The following ZNF831 variants were observed in gnomAD, a reference collection of about 807,000 sequenced individuals.
ZNF831 encodes the protein zinc finger protein 831, also known as chromosome 20 open reading frame 174.
Under a neutral mutation model 95.8 loss-of-function variants are expected in ZNF831, and 59 were observed. That is an observed-to-expected ratio of 0.62 (90% CI 0.50 to 0.77). The LOEUF (loss-of-function observed/expected upper bound fraction) is 0.77. Ranked by LOEUF, ZNF831 falls within the 30% of genes least tolerant of loss-of-function variation. ZNF831 has a pLI of 0.00. For synonymous variants in ZNF831, 961 were observed against 925.5 expected, an observed-to-expected ratio of 1.04 and a Z score of -0.70; for missense variants, 2,205 against 2,164.0, an observed-to-expected ratio of 1.02 and a Z score of -0.38.
intron 4 of ZNF831, among the ~76,000 whole-genome samples, chr20:59,248,706 TAGAG>T (rs1463854477): frequency 6.6e-6 from 1 of 152,232 alleles, no homozygotes; most frequent in East Asian, 1.9e-4. Context: ...TTAATTCACT[TAGAG>T]TGAGCACTTG....
In ZNF831 at chr20:59,208,624, T is replaced by A. The variant is rs1985070755; in HGVS notation, c.4027+1568T>A. ...TGTGTGTGGGTGACTTCCAGAGGCA[T>A]GGGAACTCCAAGTACGAAGTGAGCC... On this transcript the variant is annotated intron_variant, in intron 4 of 5. Transcript: ENST00000371030. The surrounding 1 kb of genome is among the most constrained non-coding windows in gnomAD (Gnocchi z 4.2). Among the ~76,000 whole-genome samples, 1 of 152,188 alleles carries A rather than the reference T, an allele frequency of 6.6e-6. No homozygotes were observed. Among genetic ancestry groups the A allele is most frequent in the Admixed American group, 6.5e-5 (1 of 15,280 alleles).
At chr20:59,152,414 A>T (rs1048467735) in intron 2 of ZNF831, among the ~76,000 whole-genome samples, 17 of 152,166 alleles carry the variant, frequency 1.1e-4, no homozygotes, top group African/African-American at 3.6e-4. Flanking sequence ...GATCAAGAGA[A>T]GGAAGGGAAT....
rs1157175539 is a variant in ZNF831, at chr20:59,194,557, G to A, written c.3538G>A (p.Glu1180Lys). Residue 1180 changes from glutamate to lysine, a missense_variant, in exon 2 of 6, where the codon GAG becomes AAG. Physicochemically the swap from Glu to Lys is moderately conservative, Grantham distance 56 (BLOSUM62 1). Transcript: ENST00000371030. ...TQNPFPSLKA[E>K]PRLTWCCLSR... ...AAACCCCTTTCCCTCACTGAAGGCT[G>A]AGCCGCGGCTCACGTGGTGTTGCCT... 1 of 1,606,676 alleles carries A rather than the reference G, an allele frequency of 6.2e-7. No individual in the cohort carries two copies. The highest frequency in any genetic ancestry group is 1.1e-5 in the South Asian group (1 of 89,990).
In ZNF831 at chr20:59,192,393, G is replaced by T. The variant is rs752299327; in HGVS notation, c.1374G>T (p.Ala458=). The change falls in exon 2 of 6, where the codon GCG becomes GCT. Residue 458 remains alanine (A), a synonymous_variant. Coordinates refer to ENST00000371030, the MANE Select transcript of ZNF831 (RefSeq NM_178457.3). The surrounding 1 kb of genome is among the most constrained non-coding windows in gnomAD (Gnocchi z 5.2). The part of the protein sequence containing the change: ...YKDSFHFDIR[A]LEPGRRRAPG... ...ACTCCTTCCACTTTGACATCCGCGC[G>T]CTGGAGCCAGGCCGTAGGAGGGCCC... is the stretch of plus-strand genomic sequence containing the variant. 2.5e-6 allele frequency: 4 copies of T among 1,611,862 alleles called. No individual in the cohort carries two copies. The highest frequency in any genetic ancestry group is 3.4e-6 in the Non-Finnish European group (4 of 1,179,540).
rs2146587842 is a variant in ZNF831 at position 59,193,698 on chromosome 20, C to A, written c.2679C>A (p.Ala893=). The part of the protein sequence containing the change: ...SGASLAAASV[A]LKRVGPRDKA... ...CCTCCTTGGCTGCTGCTTCTGTTGC[C>A]CTGAAGAGGGTGGGGCCAAGGGACA... Residue 893 remains alanine, a synonymous_variant, in exon 2 of 6, where the codon GCC becomes GCA. Coordinates refer to ENST00000371030, the MANE Select transcript of ZNF831 (RefSeq NM_178457.3). 6.2e-7 allele frequency: 1 copy of A among 1,612,930 alleles called. No homozygotes were observed. The highest frequency in any genetic ancestry group is 2.2e-5 in the East Asian group (1 of 44,868).
intron 4 of ZNF831, among the ~76,000 whole-genome samples, chr20:59,214,732 A>G (rs1244274744): frequency 4.6e-5 from 7 of 152,228 alleles, no homozygotes; most frequent in Non-Finnish European, 1.5e-5. Flanking sequence ...CCACCTAAGC[A>G]AAAGCTGCCG....
intron 1 of ZNF831, among the ~76,000 whole-genome samples, chr20:59,179,958 G>T (rs1159943961): frequency 1.3e-5 from 2 of 152,166 alleles, no homozygotes; most frequent in African/African-American, 2.4e-5. Context: ...TGTTAGAGGG[G>T]CATCTTCTCT....
chr20:59,239,167 T>C (rs1987168695), intron 4 of ZNF831, among the ~76,000 whole-genome samples: 1 of 152,060 alleles, frequency 6.6e-6, no homozygotes, highest in Non-Finnish European at 1.5e-5. Flanking sequence ...TTTCTCCACA[T>C]TGACTTTTTT....
rs1985098189 is a variant in ZNF831, at chr20:59,208,957, C to G, written c.4027+1901C>G. Among the ~76,000 whole-genome samples, 1 of 152,162 alleles carries G rather than the reference C, an allele frequency of 6.6e-6. No individual in the cohort carries two copies. Among genetic ancestry groups the G allele is most frequent in the African/African-American group, 2.4e-5 (1 of 41,440 alleles). ...TGGAGCTGCTCCTGGAACTCCCCGT[C>G]AGCCTCCCTGCTTAGCTCCCCAGGC... On this transcript the variant is annotated intron_variant, in intron 4 of 5. Coordinates refer to ENST00000371030, the MANE Select transcript of ZNF831 (RefSeq NM_178457.3). This position sits in a 1 kb window ranked among gnomAD's most constrained non-coding sequence, Gnocchi z 4.2.
At chr20:59,171,544 C>G (rs1357165524) in intron 1 of ZNF831, among the ~76,000 whole-genome samples, 1 of 152,222 alleles carries the variant, frequency 6.6e-6, no homozygotes, top group Non-Finnish European at 1.5e-5. Flanking sequence ...TGAGCAGATG[C>G]AGTCATTGTA....
chr20:59,140,336 AGT>A (rs1568722857), intron 1 of ZNF831, among the ~76,000 whole-genome samples: 5 of 152,184 alleles, frequency 3.3e-5, no homozygotes, highest in African/African-American at 1.2e-4. Flanking sequence ...GAAGAGCTAG[AGT>A]TTTGTTTCTA....
chr20:59,214,810 T>C (rs1313757357), intron 4 of ZNF831, among the ~76,000 whole-genome samples: 1 of 152,220 alleles, frequency 6.6e-6, no homozygotes, highest in East Asian at 1.9e-4. Context: ...TTATTCAGAA[T>C]GTAGGGAGGT....
At chr20:59,240,212 C>G (rs73135138) in intron 4 of ZNF831, among the ~76,000 whole-genome samples, 3,002 of 152,006 alleles carry the variant, frequency 0.02, 46 homozygotes, top group Non-Finnish European at 0.03. Flanking sequence ...ATTCTCCACC[C>G]CTTCTGCAGT....
In ZNF831 at chr20:59,166,586, C is replaced by T. The variant is rs181610954; in HGVS notation, c.-37+2379C>T. 2.2e-3 allele frequency among the ~76,000 whole-genome samples: 328 copies of T among 152,280 alleles called. 1 individual carries two copies. The highest frequency in any genetic ancestry group is 7.5e-3 in the African/African-American group (313 of 41,540). On this transcript the variant is annotated intron_variant, in intron 1 of 5. Coordinates refer to ENST00000371030, the MANE Select transcript of ZNF831 (RefSeq NM_178457.3). The stretch of plus-strand genomic sequence containing the variant: ...CCTGCTCTCCTCCTCTCTCTCTCCC[C>T]CCCAACCCCTTAACCCCAAGCAATC...
At chr20:59,133,290 C>T (rs1484819061) in intron 1 of ZNF831, among the ~76,000 whole-genome samples, 1 of 102,214 alleles carries the variant, frequency 9.8e-6, no homozygotes, top group Non-Finnish European at 2.1e-5. Context: ...TGGGCAGTTG[C>T]TATGCTCTGG....
At chr20:59,199,176 T>C (rs1422388211) in intron 3 of ZNF831, among the ~76,000 whole-genome samples, 2 of 151,718 alleles carry the variant, frequency 1.3e-5, no homozygotes, top group East Asian at 1.9e-4. Context: ...GAAGCCTACT[T>C]CTTGATTCAT....
intron 4 of ZNF831, among the ~76,000 whole-genome samples, chr20:59,228,014 C>T (rs972273678): frequency 3.9e-5 from 6 of 151,956 alleles, no homozygotes; most frequent in Non-Finnish European, 8.8e-5. Context: ...AATAAATATT[C>T]AGAAAAAATT....
chr20:59,230,317 C>A (rs1156554402), intron 4 of ZNF831, among the ~76,000 whole-genome samples: 1 of 151,910 alleles, frequency 6.6e-6, no homozygotes, highest in Non-Finnish European at 1.5e-5. Flanking sequence ...ACTAAAAATA[C>A]AAAAATTAGC....
intron 1 of ZNF831, among the ~76,000 whole-genome samples, chr20:59,142,754 T>C (rs1353469830): frequency 6.6e-6 from 1 of 152,262 alleles, no homozygotes; most frequent in East Asian, 1.9e-4. Context: ...GTAATTTGCC[T>C]ACTCATATTT....
Sources: gnomAD v4.1 joint callset for allele counts (sites outside exome capture counted in the v4.1 genomes callset) on GRCh38, gnomAD v4.1.1 for gene constraint, Gnocchi (gnomAD v3.1) non-coding constraint, MANE v1.5 for transcripts, NCBI Gene and HGNC (gene_info 2026-07-23, HGNC 2026-07-21) for gene names.